The following GIMAP4 variants were observed in gnomAD, a reference collection of about 807,000 sequenced individuals.
GIMAP4 encodes GTPase IMAP family member 4.
In GIMAP4, 12 loss-of-function variants were observed where a neutral mutation model predicts 10.8. The ratio of observed to expected loss-of-function variants is 1.11; its 90% confidence interval spans 0.71 to 1.81. The LOEUF is 1.81. Ranked by LOEUF, GIMAP4 falls within the 40% of genes most tolerant of loss-of-function variation. GIMAP4 has a pLI of 0.00. For missense variants in GIMAP4, 412 were observed against 404.6 expected, an observed-to-expected ratio of 1.02 and a Z score of -0.16; for synonymous variants, 149 against 147.2, an observed-to-expected ratio of 1.01 and a Z score of -0.09.
intron 2 of GIMAP4, among the ~76,000 whole-genome samples, chr7:150,570,756 T>C (rs1050369709): frequency 8.7e-6 from 1 of 114,388 alleles, no homozygotes; most frequent in African/African-American, 2.9e-5. Context: ...CTGGGCCTTG[T>C]TGTTATCATC....
chr7:150,571,396 C>T (rs143519995), intron 2 of GIMAP4, among the ~76,000 whole-genome samples: 47 of 152,288 alleles, frequency 3.1e-4, no homozygotes, highest in African/African-American at 1.1e-3. Flanking sequence ...AGAAGAAATG[C>T]TTCATTTTGA....
In GIMAP4 at chr7:150,572,123, TCCCAG is replaced by T; in HGVS notation, c.59-5_59-1del. The T allele has an allele frequency of 6.3e-7, 1 of 1,578,500 alleles. No individual in the cohort carries two copies. The highest frequency in any genetic ancestry group is 1.4e-5 in the African/African-American group (1 of 73,200). On this transcript the variant is annotated splice_acceptor_variant and splice_polypyrimidine_tract_variant and intron_variant, in intron 2 of 2. Transcript: ENST00000255945. LOFTEE classifies it high-confidence loss of function. ...GCATGGCTTTTTTTTTTTCTTGATG[TCCCAG>T]GGCCTGGAAGGCAAGAGCCCAGAAA...
chr7:150,571,497 C>T (rs1309034415), intron 2 of GIMAP4, among the ~76,000 whole-genome samples: 1 of 152,144 alleles, frequency 6.6e-6, no homozygotes, highest in Non-Finnish European at 1.5e-5. Flanking sequence ...AAAGAAACAG[C>T]TGGCCGGGTG....
At chr7:150,569,491 G>A (rs1386088546) in intron 1 of GIMAP4, among the ~76,000 whole-genome samples, 1 of 152,178 alleles carries the variant, frequency 6.6e-6, no homozygotes, top group African/African-American at 2.4e-5. Flanking sequence ...GCCAGGTTCT[G>A]TTTGAGATGC....
In GIMAP4 at chr7:150,573,098, C is replaced by CTGGCAACCT. The variant is rs747551252; in HGVS notation, c.*41_*49dup. ...TCTGTTTGTATTTTCTGCATATTCT[C>CTGGCAACCT]TGGCAACCTTGCCCCATACTTACTT... On this transcript the variant is annotated 3_prime_UTR_variant, in exon 3 of 3. Transcript: ENST00000255945. 1.5e-6 allele frequency: 2 copies of CTGGCAACCT among 1,347,244 alleles called. No individual in the cohort carries two copies. Among genetic ancestry groups the CTGGCAACCT allele is most frequent in the South Asian group, 2.6e-5 (2 of 76,896 alleles). 83.5% of individuals were successfully genotyped at this position (1,347,244 alleles called of 1,614,324 possible). A position where few individuals can be genotyped will look rare whatever the true frequency, so the allele number is the denominator to read the frequency against.
At position 150,573,855 on chromosome 7, in the gene GIMAP4, T is replaced by G. The variant is rs928659703; in HGVS notation, c.*795T>G. 6.6e-5 allele frequency: 10 copies of G among 152,214 alleles called. No individual in the cohort carries two copies. Among genetic ancestry groups the G allele is most frequent in the Non-Finnish European group, 1.3e-4 (9 of 68,042 alleles). 9.4% of individuals were successfully genotyped at this position (152,214 alleles called of 1,614,324 possible). Reference sequence around the variant, plus strand: ...ACCTCACCTCCCTCACTCAACACTTTGAATACTTATTGTTTGGCAGGTCAT... The same window carrying G: ...ACCTCACCTCCCTCACTCAACACTTGGAATACTTATTGTTTGGCAGGTCAT... On this transcript the variant is annotated 3_prime_UTR_variant, in exon 3 of 3. Transcript: ENST00000255945.
Position 150,569,948 on chromosome 7 carries a change from G to T in GIMAP4, c.47G>T (p.Gly16Val). Residue 16 changes from glycine (G) to valine (V), a missense_variant, in exon 2 of 3, where the codon GGG becomes GTG. Gly to Val is a moderately radical substitution (Grantham distance 109). Coordinates refer to ENST00000255945, the MANE Select transcript of GIMAP4 (RefSeq NM_018326.3). ...ATGAGCTTCAACCCCAGCACACCAG[G>T]GGCCAGTTATGGTGAGAGGGCATTC... ...GSMSFNPSTP[G>V]ASYGPGRQEP... The T allele has an allele frequency of 6.2e-7, 1 of 1,608,804 alleles. No individual in the cohort carries two copies. The highest frequency in any genetic ancestry group is 8.5e-7 in the Non-Finnish European group (1 of 1,175,544).
intron 2 of GIMAP4, 85 bp from the exon 3 acceptor site, chr7:150,572,044 G>A (rs1795734732): frequency 4.9e-6 from 4 of 810,172 alleles, no homozygotes; most frequent in Non-Finnish European, 8.0e-6. Flanking sequence ...TAACGGAGGA[G>A]GGCACTGGGG....
intron 1 of GIMAP4, among the ~76,000 whole-genome samples, chr7:150,569,239 G>A (rs996006909): frequency 6.6e-6 from 1 of 152,192 alleles, no homozygotes; most frequent in African/African-American, 2.4e-5. Context: ...TTAGAAGCCT[G>A]TTAAGTTGTA....
intron 2 of GIMAP4, 94 bp downstream of exon 2, chr7:150,570,053 T>TGC: frequency 1.3e-6 from 1 of 775,878 alleles, no homozygotes; most frequent in Non-Finnish European, 2.2e-6. Context: ...GGGGTTCTCC[T>TGC]GCCTTGCCAC....
intron 1 of GIMAP4, among the ~76,000 whole-genome samples, chr7:150,568,268 T>A (rs971168659): frequency 2.6e-5 from 4 of 152,234 alleles, no homozygotes; most frequent in African/African-American, 9.6e-5. Flanking sequence ...CCACCAAAGC[T>A]GATTTTTAAA....
In GIMAP4 at chr7:150,572,842, G is replaced by A. The variant is rs760148676; in HGVS notation, c.772G>A (p.Glu258Lys). 7 of 1,613,674 alleles carry A rather than the reference G, an allele frequency of 4.3e-6. No individual in the cohort carries two copies. The highest frequency in any genetic ancestry group is 1.3e-5 in the African/African-American group (1 of 74,978). Residue 258 changes from glutamate (E) to lysine (K), a missense_variant, in exon 3 of 3, where the codon GAG (glutamate) becomes AAG (lysine). Physicochemically the swap from Glu to Lys is moderately conservative, Grantham distance 56. Transcript: ENST00000255945. The part of the protein sequence containing the change: ...LEREKARIRE[E>K]YEEKIRKLED... ...GAGAGAGAAAGCGCGGATAAGAGAGGAGTATGAAGAGAAAATCAGAAAGCT... is the reference window on the plus strand; with the variant it reads ...GAGAGAGAAAGCGCGGATAAGAGAGAAGTATGAAGAGAAAATCAGAAAGCT...
intron 1 of GIMAP4, 65 bp downstream of exon 1, chr7:150,567,502 C>T (rs1481937097): frequency 6.6e-6 from 1 of 152,054 alleles, no homozygotes; most frequent in Non-Finnish European, 1.5e-5. Context: ...GAGGAGGGAC[C>T]TGTATCTTAA....
rs909417656 is a variant in GIMAP4 at position 150,573,920 on chromosome 7, A to G, written c.*860A>G. The G allele has an allele frequency of 6.6e-6, 1 of 152,180 alleles. No homozygotes were observed. Among genetic ancestry groups the G allele is most frequent in the Non-Finnish European group, 1.5e-5 (1 of 68,022 alleles). The allele number at this position is 152,180 out of a possible 1,614,324, so 9.4% of individuals were successfully genotyped here. A position where few individuals can be genotyped will look rare whatever the true frequency, so the allele number is the denominator to read the frequency against. On this transcript the variant is annotated 3_prime_UTR_variant, in exon 3 of 3. Coordinates refer to ENST00000255945, the MANE Select transcript of GIMAP4 (RefSeq NM_018326.3). The stretch of plus-strand genomic sequence containing the variant: ...CCCCACTGCATTGAATTTTTTGCTT[A>G]TGTTGTTTATAATAAAACTTTTCAA...
intron 2 of GIMAP4, among the ~76,000 whole-genome samples, chr7:150,571,920 T>C (rs1007366272): frequency 5.3e-5 from 8 of 152,088 alleles, no homozygotes; most frequent in Non-Finnish European, 1.0e-4. Context: ...AAAAGCAAGA[T>C]TGAAGATAGG....
chr7:150,568,219 T>G (rs1795686981), intron 1 of GIMAP4, among the ~76,000 whole-genome samples: 1 of 152,200 alleles, frequency 6.6e-6, no homozygotes, highest in Non-Finnish European at 1.5e-5. Flanking sequence ...CAGTATTGTT[T>G]TCTTCTTGCT....
chr7:150,569,960 G>T lies in GIMAP4; in HGVS notation c.58+1G>T. 6.2e-7 allele frequency: 1 copy of T among 1,601,106 alleles called. No individual in the cohort carries two copies. The highest frequency in any genetic ancestry group is 1.7e-5 in the Admixed American group (1 of 59,816). On this transcript the variant is annotated splice_donor_variant, in intron 2 of 2. Transcript: ENST00000255945. LOFTEE classifies it high-confidence loss of function. Reference sequence around the variant, plus strand: ...CCCAGCACACCAGGGGCCAGTTATGGTGAGAGGGCATTCAGTGCTCCCCAG... The same window carrying T: ...CCCAGCACACCAGGGGCCAGTTATGTTGAGAGGGCATTCAGTGCTCCCCAG...
intron 2 of GIMAP4, among the ~76,000 whole-genome samples, chr7:150,571,197 T>C (rs1042137513): frequency 6.6e-6 from 1 of 152,146 alleles, no homozygotes; most frequent in African/African-American, 2.4e-5. Context: ...TGATGCTAAC[T>C]AAAAATGTGA....
chr7:150,572,079 T>C (rs1795735517), intron 2 of GIMAP4, 50 bp from the exon 3 acceptor site: 1 of 1,212,762 alleles, frequency 8.2e-7, no homozygotes, highest in Admixed American at 2.0e-5. Context: ...GGGGAATCTA[T>C]TAGAGGTAGA....
Sources: allele counts gnomAD v4.1 joint callset (sites outside exome capture counted in the v4.1 genomes callset), GRCh38; gene constraint gnomAD v4.1.1; transcripts MANE v1.5; gene names NCBI Gene and HGNC (gene_info 2026-07-23, HGNC 2026-07-21).